SYTL4: variants seen among roughly 807,000 people sequenced by gnomAD.
SYTL4 encodes the protein synaptotagmin-like protein 4.
SYTL4 carries 16 observed loss-of-function variants against 52.7 expected under a neutral mutation model. The ratio of observed to expected loss-of-function variants is 0.30; its 90% CI spans 0.21 to 0.46. The LOEUF is 0.46. SYTL4 is among the 20% of genes least tolerant of loss of function. The pLI, the probability that SYTL4 is intolerant of heterozygous loss-of-function variation, is 1.00. For missense variants in SYTL4, 423 were observed against 519.9 expected (o/e 0.81, Z 1.81); for synonymous variants, 160 against 186.6 (o/e 0.86, Z 1.16).
intron 3 of SYTL4, among the ~76,000 whole-genome samples, chrX:100,704,093 C>G (rs2083909452): frequency 8.9e-6 from 1 of 112,166 alleles, no homozygotes; most frequent in African/African-American, 3.2e-5. Context: ...ACTAACTGTG[C>G]CTCTAAACAA....
At chrX:100,716,222 G>T (rs1209184723) in intron 2 of SYTL4, among the ~76,000 whole-genome samples, 4 of 107,537 alleles carry the variant, frequency 3.7e-5, no homozygotes, top group African/African-American at 1.0e-4. Context: ...GGCCGAGGCG[G>T]GCGGATCACC....
chrX:100,709,541 C>T (rs1025879264), intron 2 of SYTL4, among the ~76,000 whole-genome samples: 1 of 111,558 alleles, frequency 9.0e-6, no homozygotes. Context: ...TTGAGCCAGA[C>T]TGCCTGAACT....
intron 8 of SYTL4, among the ~76,000 whole-genome samples, chrX:100,695,783 A>C (rs1444699116): frequency 8.9e-6 from 1 of 112,131 alleles, no homozygotes; most frequent in Non-Finnish European, 1.9e-5. Context: ...CATCTGCGAA[A>C]CTATCACCAC....
chrX:100,731,258 C>A (rs1167780840), intron 2 of SYTL4, among the ~76,000 whole-genome samples, 160 bp downstream of exon 2: 1 of 111,749 alleles, frequency 8.9e-6, no homozygotes, highest in Non-Finnish European at 1.9e-5. Context: ...TGTGCCCCTT[C>A]TGAGATCTCG....
chrX:100,720,739 A>G (rs2084324180), intron 2 of SYTL4, among the ~76,000 whole-genome samples: 1 of 112,402 alleles, frequency 8.9e-6, no homozygotes, highest in Non-Finnish European at 1.9e-5. Flanking sequence ...AGAAACCTTA[A>G]AACAATAAAA....
At chrX:100,719,757 A>G (rs760988139) in intron 2 of SYTL4, among the ~76,000 whole-genome samples, 25 of 111,626 alleles carry the variant, frequency 2.2e-4, no homozygotes, top group Admixed American at 2.0e-3. Flanking sequence ...TCTTAGAATC[A>G]TATGTGGGGA....
chrX:100,696,043 A>G (rs1181441778), intron 8 of SYTL4, among the ~76,000 whole-genome samples: 1 of 112,017 alleles, frequency 8.9e-6, no homozygotes, highest in Non-Finnish European at 1.9e-5. Flanking sequence ...TCCATTGCTG[A>G]GTAGTATTCC....
At chrX:100,718,799 C>CTTTT in intron 2 of SYTL4, among the ~76,000 whole-genome samples, 1 of 98,163 alleles carries the variant, frequency 1.0e-5, no homozygotes, top group Non-Finnish European at 2.0e-5. Flanking sequence ...CTTTTCACTC[C>CTTTT]TTTTTTTTTT....
chrX:100,702,369 A>C (rs917828308), intron 4 of SYTL4, among the ~76,000 whole-genome samples: 4 of 112,413 alleles, frequency 3.6e-5, no homozygotes, highest in Admixed American at 2.8e-4. Flanking sequence ...TCTGGAAAGA[A>C]CATAGAACAG....
intron 8 of SYTL4, among the ~76,000 whole-genome samples, chrX:100,698,127 G>A (rs1278510787): frequency 3.6e-5 from 4 of 110,674 alleles, no homozygotes; most frequent in African/African-American, 9.9e-5. Context: ...TTTTGAGATG[G>A]AGTCTTGCTC....
At chrX:100,712,681 A>G (rs2084098280) in intron 2 of SYTL4, among the ~76,000 whole-genome samples, 1 of 112,672 alleles carries the variant, frequency 8.9e-6, no homozygotes, top group Non-Finnish European at 1.9e-5. Flanking sequence ...TTAGAAAATA[A>G]AAAGATAAGC....
intron 15 of SYTL4, 30 bp downstream of exon 15, chrX:100,686,649 T>C: frequency 9.0e-7 from 1 of 1,105,504 alleles, no homozygotes; most frequent in Non-Finnish European, 1.2e-6. Context: ...ACAGAACAAG[T>C]TCTCCTACCC....
At chrX:100,731,529 G>A (rs1011441090) in intron 1 of SYTL4, 24 bp from the exon 2 acceptor site, 1 of 112,660 alleles carries the variant, frequency 8.9e-6, no homozygotes, top group African/African-American at 3.2e-5. Context: ...CCACGAAAAG[G>A]TGACTGGACG....
chrX:100,701,545 C>A lies in SYTL4; in HGVS notation c.239G>T (p.Cys80Phe). 1 of 1,211,712 alleles carries A rather than the reference C, an allele frequency of 8.3e-7. No homozygotes were observed. Among genetic ancestry groups the A allele is most frequent in the Non-Finnish European group, 1.1e-6 (1 of 895,503 alleles). ...LGRLSPKTNT[C>F]RGCNHLVCRD... Reference sequence around the variant, plus strand: ...ACACACCAGGTGATTACAACCCCGACAAGTATTGGTTTTGGGACTCAAACG... The same window carrying A: ...ACACACCAGGTGATTACAACCCCGAAAAGTATTGGTTTTGGGACTCAAACG... Residue 80 changes from cysteine (C) to phenylalanine (F), a missense_variant, in exon 6 of 20, where the codon TGT (cysteine) becomes TTT (phenylalanine). Transcript: ENST00000372989.
intron 2 of SYTL4, among the ~76,000 whole-genome samples, chrX:100,709,705 C>T (rs151321456): frequency 2.7e-5 from 3 of 112,169 alleles, no homozygotes; most frequent in African/African-American, 9.7e-5. Flanking sequence ...TTTTAAAATA[C>T]GTAAAGTGCT....
At chrX:100,699,790 G>C (rs1039503577) in intron 8 of SYTL4, among the ~76,000 whole-genome samples, 1 of 108,404 alleles carries the variant, frequency 9.2e-6, no homozygotes, top group Non-Finnish European at 1.9e-5. Context: ...CACTGCGCCT[G>C]GCCCAGCATT....
chrX:100,686,645 C>T, intron 15 of SYTL4, 34 bp downstream of exon 15: 1 of 1,093,807 alleles, frequency 9.1e-7, no homozygotes, highest in Non-Finnish European at 1.3e-6. Context: ...CAAGACAGAA[C>T]AAGTTCTCCT....
intron 2 of SYTL4, among the ~76,000 whole-genome samples, chrX:100,724,207 C>G (rs1322993340): frequency 1.1e-5 from 1 of 92,213 alleles, no homozygotes; most frequent in East Asian, 4.0e-4. Flanking sequence ...GGGTCATCAG[C>G]TCCCCCGCCC....
chrX:100,701,676 G>A lies in SYTL4; in HGVS notation c.111-3C>T, dbSNP rs1181337193. ...CCAGTAACTCATTCTTTAGTCGCCT[G>A]CCAAGACCCAAAACAGAAGCGTAAG... is the stretch of plus-strand genomic sequence containing the variant. On this transcript the variant is annotated splice_polypyrimidine_tract_variant and splice_region_variant and intron_variant, in intron 5 of 19. Coordinates refer to ENST00000372989, the MANE Select transcript of SYTL4 (RefSeq NM_001370165.1). The A allele has an allele frequency of 8.3e-7, 1 of 1,207,327 alleles. No individual in the cohort carries two copies. Among genetic ancestry groups the A allele is most frequent in the South Asian group, 1.8e-5 (1 of 56,857 alleles).
Sources: gnomAD v4.1 joint callset for allele counts (sites outside exome capture counted in the v4.1 genomes callset) on GRCh38, gnomAD v4.1.1 for gene constraint, MANE v1.5 for transcripts, NCBI Gene and HGNC (gene_info 2026-07-23, HGNC 2026-07-21) for gene names.